The following HERC1 variants were observed in gnomAD, a reference collection of about 807,000 sequenced individuals.
HERC1 encodes probable E3 ubiquitin-protein ligase HERC1.
Under a neutral mutation model 554.3 loss-of-function variants are expected in HERC1, and 160 were observed. The observed-to-expected ratio is 0.29, with a 90% CI of 0.25 to 0.33. The LOEUF (loss-of-function observed/expected upper bound fraction) is 0.33, where lower values mean the gene tolerates loss of function less well. Among genes scored for constraint, HERC1 ranks in the 10% least tolerant of loss-of-function variants. The pLI is 1.00. For synonymous variants in HERC1, 2,175 were observed against 2,131.7 expected (o/e 1.02, Z -0.56); for missense variants, 4,919 against 5,918.5 (o/e 0.83, Z 5.54).
rs145139790 is a variant in HERC1 at position 63,803,148 on chromosome 15, A to G, written c.-26-27499T>C. 2.0e-3 allele frequency among the ~76,000 whole-genome samples: 307 copies of G among 152,354 alleles called. 3 individuals are homozygous for G. Among genetic ancestry groups the G allele is most frequent in the Admixed American group, 5.2e-3 (80 of 15,300 alleles). On this transcript the variant is annotated intron_variant, in intron 1 of 77. Coordinates refer to ENST00000443617, the MANE Select transcript of HERC1 (RefSeq NM_003922.4). ...TAAGCCTACGAGGCTGCAGTGAGCC[A>G]TAATTGTGCCCCTGGGCAACAAAGT...
At chr15:63,800,931 C>T (rs1488579919) in intron 1 of HERC1, among the ~76,000 whole-genome samples, 1 of 152,122 alleles carries the variant, frequency 6.6e-6, no homozygotes, top group Non-Finnish European at 1.5e-5. Context: ...CACCACCAGA[C>T]CTCAAGGGAG....
intron 1 of HERC1, among the ~76,000 whole-genome samples, chr15:63,810,415 T>C (rs975720933): frequency 6.6e-6 from 1 of 151,400 alleles, no homozygotes; most frequent in African/African-American, 2.5e-5. Flanking sequence ...AAGCCATTTG[T>C]GTAAAAATAA....
intron 25 of HERC1, among the ~76,000 whole-genome samples, chr15:63,705,502 G>A (rs1272059240): frequency 6.6e-6 from 1 of 151,444 alleles, no homozygotes; most frequent in Non-Finnish European, 1.5e-5. Context: ...CTATATACAT[G>A]AAAATGAAAA....
chr15:63,632,635 C>T (rs558520933), intron 68 of HERC1, 74 bp downstream of exon 68: 10 of 956,446 alleles, frequency 1.0e-5, no homozygotes, highest in Non-Finnish European at 1.6e-5. Context: ...CAATTTAGAG[C>T]ACATTCTGTA....
chr15:63,630,784 G>T, intron 68 of HERC1, 149 bp from the exon 69 acceptor site: 1 of 629,000 alleles, frequency 1.6e-6, no homozygotes, highest in Non-Finnish European at 2.6e-6. Context: ...ATTCTGGAAA[G>T]GTACACCACG....
rs375695183 is a variant in HERC1, at chr15:63,734,386, G to C, written c.2646+338C>G. 6.6e-6 allele frequency among the ~76,000 whole-genome samples: 1 copy of C among 151,980 alleles called. No homozygotes were observed. The highest frequency in any genetic ancestry group is 1.5e-5 in the Non-Finnish European group (1 of 68,000). On this transcript the variant is annotated intron_variant, in intron 13 of 77. Transcript: ENST00000443617. The surrounding 1 kb of genome is among the most constrained non-coding windows in gnomAD (Gnocchi z 4.6). ...AGTCATCTATACTCTTTATACAAAC[G>C]ATTTCAGACAAAGTTCTCAGCATGG... is the stretch of plus-strand genomic sequence containing the variant.
At chr15:63,788,990 C>T (rs942126951) in intron 1 of HERC1, among the ~76,000 whole-genome samples, 1 of 148,658 alleles carries the variant, frequency 6.7e-6, no homozygotes, top group Admixed American at 6.7e-5. Context: ...TAACCAATTT[C>T]ATGTTATGTT....
chr15:63,663,432 G>A (rs1464246457), intron 43 of HERC1, among the ~76,000 whole-genome samples: 2 of 152,154 alleles, frequency 1.3e-5, no homozygotes, highest in African/African-American at 4.8e-5. Context: ...TTAAGTAAGA[G>A]AATCCATGCG....
chr15:63,771,965 A>C (rs1168559576), intron 2 of HERC1, among the ~76,000 whole-genome samples: 1 of 152,028 alleles, frequency 6.6e-6, no homozygotes, highest in Non-Finnish European at 1.5e-5. Context: ...AAAAATACAG[A>C]AACAAAATTA....
At chr15:63,787,793 G>C (rs910723258) in intron 1 of HERC1, among the ~76,000 whole-genome samples, 1 of 151,436 alleles carries the variant, frequency 6.6e-6, no homozygotes, top group African/African-American at 2.4e-5. Context: ...GCAAAACCCC[G>C]ACTCTACAAA....
In HERC1 at chr15:63,664,376, T is replaced by C. The variant is rs2152941062; in HGVS notation, c.8680+94A>G. 7 of 1,103,434 alleles carry C rather than the reference T, an allele frequency of 6.3e-6. No homozygotes were observed. The East Asian group carries it at 1.7e-4, about 27-fold the overall frequency. 68.4% of individuals were successfully genotyped at this position (1,103,434 alleles called of 1,614,324 possible). On this transcript the variant is annotated intron_variant, in intron 43 of 77. Coordinates refer to ENST00000443617, the MANE Select transcript of HERC1 (RefSeq NM_003922.4). ...TGTTAATGTGGAGGGACTGAGCACTTAGTATCATTAGTTTGAATCTTCTTT... is the reference window on the plus strand; with the variant it reads ...TGTTAATGTGGAGGGACTGAGCACTCAGTATCATTAGTTTGAATCTTCTTT...
chr15:63,828,529 G>A (rs1213929633), intron 1 of HERC1, among the ~76,000 whole-genome samples: 1 of 152,034 alleles, frequency 6.6e-6, no homozygotes, highest in African/African-American at 2.4e-5. Context: ...AGTAGAGATG[G>A]GGTTTCTCCA....
chr15:63,802,981 G>A (rs1050625085), intron 1 of HERC1, among the ~76,000 whole-genome samples: 1 of 152,236 alleles, frequency 6.6e-6, no homozygotes, highest in African/African-American at 2.4e-5. Flanking sequence ...AGGCCAAGGT[G>A]GGAGGCTCAC....
At chr15:63,755,082 T>C in intron 6 of HERC1, 147 bp downstream of exon 6, 1 of 631,666 alleles carries the variant, frequency 1.6e-6, no homozygotes, top group Non-Finnish European at 2.8e-6. Context: ...ATCTAGGTCT[T>C]ATCTATATAA....
intron 39 of HERC1, among the ~76,000 whole-genome samples, chr15:63,671,011 G>A (rs1362330282): frequency 6.6e-6 from 1 of 152,026 alleles, no homozygotes; most frequent in East Asian, 1.9e-4. Flanking sequence ...AGACCAGCCT[G>A]ACCAGCATGG....
intron 22 of HERC1, among the ~76,000 whole-genome samples, chr15:63,714,128 G>C (rs1356552400): frequency 6.6e-6 from 1 of 152,002 alleles, no homozygotes; most frequent in Admixed American, 6.6e-5. Context: ...TGAAGCACAA[G>C]GTTAGGTAAA....
In HERC1 at chr15:63,609,054, G is replaced by A. The variant is rs770900038; in HGVS notation, c.*27C>T. The A allele has an allele frequency of 6.3e-7, 1 of 1,597,580 alleles. No homozygotes were observed. The highest frequency in any genetic ancestry group is 1.1e-5 in the South Asian group (1 of 89,062). ...CAGAAGTGAGCATTATTGAGGGAGA[G>A]AAGGGAGGGTGAGAGCACCCGCACG... On this transcript the variant is annotated 3_prime_UTR_variant, in exon 78 of 78. Coordinates refer to ENST00000443617, the MANE Select transcript of HERC1 (RefSeq NM_003922.4).
intron 1 of HERC1, among the ~76,000 whole-genome samples, chr15:63,825,167 G>A (rs2077850999): frequency 1.3e-5 from 2 of 152,062 alleles, no homozygotes; most frequent in Admixed American, 6.6e-5. Flanking sequence ...AAATTAGCCA[G>A]GTGTGGCAGC....
chr15:63,650,010 T>C (rs751202272), intron 53 of HERC1, 85 bp from the exon 54 acceptor site: 8 of 967,730 alleles, frequency 8.3e-6, no homozygotes, highest in South Asian at 4.7e-5. Flanking sequence ...TTAATTCTAA[T>C]ACACACTCAA....
Sources: gnomAD v4.1 joint callset for allele counts (sites outside exome capture counted in the v4.1 genomes callset) on GRCh38, gnomAD v4.1.1 for gene constraint, Gnocchi (gnomAD v3.1) non-coding constraint, MANE v1.5 for transcripts, NCBI Gene and HGNC (gene_info 2026-07-23, HGNC 2026-07-21) for gene names.